The following ADAMTS6 variants were observed in gnomAD, a reference collection of about 807,000 sequenced individuals.
ADAMTS6 encodes A disintegrin and metalloproteinase with thrombospondin motifs 6.
Under a neutral mutation model 144.3 loss-of-function variants are expected in ADAMTS6, and 23 were observed. The observed-to-expected ratio is 0.16, with a 90% CI of 0.11 to 0.23. The LOEUF (loss-of-function observed/expected upper bound fraction) is 0.23, where lower values mean the gene tolerates loss of function less well. Ranked by LOEUF, ADAMTS6 falls within the 10% of genes least tolerant of loss-of-function variation. The pLI, the probability that ADAMTS6 is intolerant of heterozygous loss-of-function variation, is 1.00. For missense variants in ADAMTS6, 999 were observed against 1,379.6 expected (o/e 0.72, Z 4.37); for synonymous variants, 444 against 457.5 (o/e 0.97, Z 0.38).
intron 9 of ADAMTS6, among the ~76,000 whole-genome samples, chr5:65,316,837 T>C (rs925319999): frequency 6.6e-6 from 1 of 152,106 alleles, no homozygotes; most frequent in African/African-American, 2.4e-5. Context: ...AGTCTTGCTC[T>C]GTTGCCCAGG....
intron 20 of ADAMTS6, among the ~76,000 whole-genome samples, chr5:65,200,306 C>A (rs1282086655): frequency 6.6e-6 from 1 of 152,102 alleles, no homozygotes; most frequent in South Asian, 2.1e-4. Context: ...GAAAATGCAG[C>A]TTTTAACTTT....
intron 7 of ADAMTS6, 72 bp from the exon 8 acceptor site, chr5:65,334,157 T>C: frequency 7.6e-6 from 11 of 1,447,622 alleles, no homozygotes; most frequent in Non-Finnish European, 1.0e-5. Flanking sequence ...TTCATCATAC[T>C]TCTCTCCTGA....
At chr5:65,175,506 T>C (rs2098705) in intron 22 of ADAMTS6, among the ~76,000 whole-genome samples, 2 of 151,968 alleles carry the variant, frequency 1.3e-5, no homozygotes, top group Non-Finnish European at 2.9e-5. Context: ...AATACCACTT[T>C]GTTGTCAGTG....
chr5:65,300,923 G>A (rs892864049), intron 9 of ADAMTS6, among the ~76,000 whole-genome samples: 3 of 152,108 alleles, frequency 2.0e-5, no homozygotes, highest in South Asian at 2.1e-4. Context: ...GAGCCACCGC[G>A]CCCGGCCGTA....
chr5:65,301,313 A>T lies in ADAMTS6; in HGVS notation c.1224-1182T>A, dbSNP rs1009614230. Among the ~76,000 whole-genome samples, 7 of 152,342 alleles carry T rather than the reference A, an allele frequency of 4.6e-5. No individual in the cohort carries two copies. In the South Asian group the frequency reaches 6.2e-4, roughly 14 times the overall value. On this transcript the variant is annotated intron_variant, in intron 9 of 24. Coordinates refer to ENST00000381055, the MANE Select transcript of ADAMTS6 (RefSeq NM_197941.4). ...TTTGGTTGAATATTACTAAGAAAAT[A>T]AATTTATGTGTCTGTTACGACATAT...
chr5:65,242,808 C>T (rs1759307935), intron 14 of ADAMTS6, among the ~76,000 whole-genome samples: 1 of 152,070 alleles, frequency 6.6e-6, no homozygotes, highest in South Asian at 2.1e-4. Flanking sequence ...AATTTATTAA[C>T]ATCACAGAAA....
At chr5:65,179,971 C>A (rs1391384941) in intron 22 of ADAMTS6, among the ~76,000 whole-genome samples, 1 of 152,114 alleles carries the variant, frequency 6.6e-6, no homozygotes. Flanking sequence ...CACACACACA[C>A]ACACACACAC....
intron 20 of ADAMTS6, among the ~76,000 whole-genome samples, chr5:65,207,026 C>T (rs1201162649): frequency 6.6e-6 from 1 of 152,108 alleles, no homozygotes; most frequent in African/African-American, 2.4e-5. Context: ...GATGATTGAT[C>T]AGAAACATTC....
chr5:65,210,755 T>C, intron 20 of ADAMTS6: 1 of 634,676 alleles, frequency 1.6e-6, no homozygotes, highest in Non-Finnish European at 2.9e-6. Flanking sequence ...TGCTACTTAA[T>C]GGAGGAAGAT....
intron 7 of ADAMTS6, among the ~76,000 whole-genome samples, chr5:65,345,119 G>C (rs1228735294): frequency 5.3e-5 from 8 of 151,786 alleles, no homozygotes; most frequent in Non-Finnish European, 1.0e-4. Flanking sequence ...CTGGAGCATA[G>C]TAAGTGTTTA....
At chr5:65,258,157 T>A (rs1178506882) in intron 14 of ADAMTS6, among the ~76,000 whole-genome samples, 1 of 151,902 alleles carries the variant, frequency 6.6e-6, no homozygotes, top group South Asian at 2.1e-4. Flanking sequence ...AGATTAGGAG[T>A]CCTAGAGTTG....
At chr5:65,385,883 G>C (rs976654153) in intron 7 of ADAMTS6, among the ~76,000 whole-genome samples, 1 of 152,102 alleles carries the variant, frequency 6.6e-6, no homozygotes, top group Non-Finnish European at 1.5e-5. Flanking sequence ...CCAAATGTAA[G>C]GTTCAATGTG....
At chr5:65,450,751 A>G (rs1415723674) in intron 7 of ADAMTS6, among the ~76,000 whole-genome samples, 1 of 152,144 alleles carries the variant, frequency 6.6e-6, no homozygotes, top group African/African-American at 2.4e-5. Flanking sequence ...TTATTAGCTA[A>G]GTAATCTTGA....
At position 65,409,736 on chromosome 5, in the gene ADAMTS6, C is replaced by T. The variant is rs370658809; in HGVS notation, c.1073+41739G>A. Among the ~76,000 whole-genome samples, 411 of 152,188 alleles carry T rather than the reference C, an allele frequency of 2.7e-3. 2 individuals carry two copies. Among genetic ancestry groups the T allele is most frequent in the African/African-American group, 9.4e-3 (389 of 41,520 alleles). ...CCAATATCCCTGATGAACATCGATG[C>T]AAAAATCCTCAATAAAATACTGGCA... On this transcript the variant is annotated intron_variant, in intron 7 of 24. Transcript: ENST00000381055.
chr5:65,445,121 A>G (rs1758166956), intron 7 of ADAMTS6, among the ~76,000 whole-genome samples: 2 of 152,206 alleles, frequency 1.3e-5, no homozygotes, highest in South Asian at 2.1e-4. Flanking sequence ...CGCCTACTAC[A>G]AATAAGGTAC....
chr5:65,298,228 C>T (rs1008021974), intron 10 of ADAMTS6, among the ~76,000 whole-genome samples: 1 of 151,896 alleles, frequency 6.6e-6, no homozygotes, highest in African/African-American at 2.4e-5. Flanking sequence ...AGAGATGGTA[C>T]TAGCAAATGA....
rs150035224 is a variant in ADAMTS6 at position 65,409,946 on chromosome 5, A to G, written c.1073+41529T>C. ...GACTTAGTTTTTTATCATATGCAAT[A>G]TAAGTTACATAAAAGGTTTGACCGC... On this transcript the variant is annotated intron_variant, in intron 7 of 24. Coordinates refer to ENST00000381055, the MANE Select transcript of ADAMTS6 (RefSeq NM_197941.4). 4.6e-5 allele frequency among the ~76,000 whole-genome samples: 7 copies of G among 152,354 alleles called. No individual in the cohort carries two copies. In the East Asian group the frequency reaches 1.2e-3, roughly 25 times the overall value.
At chr5:65,269,654 T>C (rs1761903655) in intron 12 of ADAMTS6, among the ~76,000 whole-genome samples, 1 of 152,192 alleles carries the variant, frequency 6.6e-6, no homozygotes. Flanking sequence ...CTGTTCAATT[T>C]AGGGCTAGTA....
chr5:65,452,855 G>C lies in ADAMTS6; in HGVS notation c.695C>G (p.Pro232Arg). 2 of 1,613,994 alleles carry C rather than the reference G, an allele frequency of 1.2e-6. No homozygotes were observed. Among genetic ancestry groups the C allele is most frequent in the South Asian group, 1.1e-5 (1 of 91,066 alleles). ...GTGGTGGATATGTGTGTTGTTAATT[G>C]GTAGTGAATAAGAAACAGTGGATGT... Reference protein sequence around the residue: ...NDTSTVSYSLPINNTHIHHRQ... With the variant: ...NDTSTVSYSLRINNTHIHHRQ... Residue 232 changes from proline to arginine, a missense_variant, in exon 5 of 25, where the codon CCA (proline) becomes CGA (arginine). By Grantham distance (103) the Pro-to-Arg change is moderately radical. Around this residue, in one of 3 missense-constraint regions of ADAMTS6, gnomAD observed 252 missense variants for 293.7 expected, o/e 0.86. Transcript: ENST00000381055.
Sources: gnomAD v4.1 joint callset for allele counts (sites outside exome capture counted in the v4.1 genomes callset) on GRCh38, gnomAD v4.1.1 for gene constraint, gnomAD v4.1.1 regional missense constraint, MANE v1.5 for transcripts, NCBI Gene and HGNC (gene_info 2026-07-23, HGNC 2026-07-21) for gene names.